LANCL1: variants seen among roughly 807,000 people sequenced by gnomAD.
LANCL1 encodes glutathione S-transferase LANCL1.
LANCL1 carries 50 observed loss-of-function variants against 50.6 expected under a neutral mutation model. The ratio of observed to expected loss-of-function variants is 0.99; its 90% CI spans 0.79 to 1.25. The LOEUF (loss-of-function observed/expected upper bound fraction) is 1.25, where lower values mean the gene tolerates loss of function less well. Ranked by LOEUF, LANCL1 falls within the 50% of genes most tolerant of loss-of-function variation. The pLI is 0.00. For synonymous variants in LANCL1, 188 were observed against 178.6 expected (o/e 1.05, Z -0.42); for missense variants, 532 against 480.7 (o/e 1.11, Z -1.00).
chr2:210,458,019 G>A (rs943012257), intron 3 of LANCL1, among the ~76,000 whole-genome samples: 1 of 152,170 alleles, frequency 6.6e-6, no homozygotes, highest in Non-Finnish European at 1.5e-5. Context: ...TGTTCTTGAA[G>A]GGAAGGCACT....
chr2:210,445,433 G>C (rs948506652), intron 4 of LANCL1, among the ~76,000 whole-genome samples: 1 of 152,254 alleles, frequency 6.6e-6, no homozygotes, highest in Admixed American at 6.5e-5. Flanking sequence ...GTATTGCTCA[G>C]AGCATCTTAT....
At chr2:210,447,502 C>T (rs919471861) in intron 4 of LANCL1, among the ~76,000 whole-genome samples, 1 of 152,120 alleles carries the variant, frequency 6.6e-6, no homozygotes, top group African/African-American at 2.4e-5. Flanking sequence ...TCACACATAA[C>T]AATATTAACC....
intron 4 of LANCL1, among the ~76,000 whole-genome samples, chr2:210,446,506 T>G (rs911288617): frequency 6.6e-6 from 1 of 151,996 alleles, no homozygotes; most frequent in Non-Finnish European, 1.5e-5. Context: ...GAGAATGAAT[T>G]TGACAAATTG....
intron 3 of LANCL1, among the ~76,000 whole-genome samples, chr2:210,457,433 CACCTTTGAATCAAT>C (rs1434474691): frequency 6.6e-6 from 1 of 152,092 alleles, no homozygotes; most frequent in Non-Finnish European, 1.5e-5. Context: ...CATACACCAC[CACCTTTGAATCAAT>C]ACCAAAGACT....
At position 210,440,704 on chromosome 2, in the gene LANCL1, C is replaced by G; in HGVS notation, c.584G>C (p.Arg195Thr). Residue 195 changes from arginine to threonine, a missense_variant, in exon 6 of 10, where the codon AGG (arginine) becomes ACG (threonine). Arg to Thr is a moderately conservative substitution (Grantham distance 71). Coordinates refer to ENST00000450366, the MANE Select transcript of LANCL1 (RefSeq NM_006055.3). ...TILTSGENLA[R>T]KRNFTAKSPL... ...AGACTTTGCCGTGAAGTTTCTCTTCCTAGCTAGGTTTTCTCCAGAGGTTAA... is the reference window on the plus strand; with the variant it reads ...AGACTTTGCCGTGAAGTTTCTCTTCGTAGCTAGGTTTTCTCCAGAGGTTAA... The G allele has an allele frequency of 1.9e-6, 3 of 1,613,974 alleles. No homozygotes were observed. The highest frequency in any genetic ancestry group is 2.5e-6 in the Non-Finnish European group (3 of 1,179,928).
chr2:210,447,483 G>A (rs961016820), intron 4 of LANCL1, among the ~76,000 whole-genome samples: 3 of 152,118 alleles, frequency 2.0e-5, no homozygotes, highest in Admixed American at 1.3e-4. Flanking sequence ...CATAATGACA[G>A]GATCAAATTC....
Position 210,436,362 on chromosome 2 carries a change from C to G in LANCL1, c.904G>C (p.Ala302Pro). 6.2e-7 allele frequency: 1 copy of G among 1,613,990 alleles called. No homozygotes were observed. Among genetic ancestry groups the G allele is most frequent in the Non-Finnish European group, 8.5e-7 (1 of 1,179,924 alleles). ...VFREEKYLCDAYQCADVIWQY... is the reference protein window; with the variant it reads ...VFREEKYLCDPYQCADVIWQY... ...CAGATCACATCAGCACACTGATAGG[C>G]ATCACAGAGATACTTTTCCTCTCTG... Residue 302 changes from alanine to proline, a missense_variant, in exon 8 of 10, where the codon GCC (alanine) becomes CCC (proline). Transcript: ENST00000450366.
chr2:210,471,042 A>AT (rs35572251), intron 3 of LANCL1, among the ~76,000 whole-genome samples: 2,969 of 96,138 alleles, frequency 0.031, 95 homozygotes, highest in Non-Finnish European at 0.042. Flanking sequence ...TTCTTCTTTG[A>AT]TTTTTTTTTT....
Position 210,437,839 on chromosome 2 carries a change from T to C in LANCL1, c.724A>G (p.Ser242Gly). The change falls in exon 7 of 10, where the codon AGT becomes GGT. Residue 242 changes from serine (S) to glycine (G), a missense_variant. By Grantham distance (56) the Ser-to-Gly change is moderately conservative. Coordinates refer to ENST00000450366, the MANE Select transcript of LANCL1 (RefSeq NM_006055.3). The stretch of plus-strand genomic sequence containing the variant: ...TAGTCTACACTGGGCTTGACCAAAC[T>C]ATGTAACTTCCCTTGGCTCACTTGA... ...SLQVSQGKLH[S>G]LVKPSVDYVC... The C allele has an allele frequency of 6.2e-7, 1 of 1,605,524 alleles. No individual in the cohort carries two copies. The highest frequency in any genetic ancestry group is 2.2e-5 in the East Asian group (1 of 44,572).
At position 210,453,232 on chromosome 2, in the gene LANCL1, C is replaced by G. The variant is rs574158918; in HGVS notation, c.407+1875G>C. On this transcript the variant is annotated intron_variant, in intron 4 of 9. Transcript: ENST00000450366. ...TAAATGACAACAACACCCTTAGTAC[C>G]AATATACCAAAAACAACAAAAATCT... Among the ~76,000 whole-genome samples the G allele has an allele frequency of 1.1e-3, 163 of 152,210 alleles. 2 individuals carry two copies. Among genetic ancestry groups the G allele is most frequent in the Middle Eastern group, 3.4e-3 (1 of 292 alleles).
At chr2:210,453,728 T>TA (rs566368987) in intron 4 of LANCL1, among the ~76,000 whole-genome samples, 30 of 152,020 alleles carry the variant, frequency 2.0e-4, no homozygotes, top group Non-Finnish European at 3.5e-4. Flanking sequence ...ATCAGCTATG[T>TA]AAAAAAAATT....
intron 3 of LANCL1, among the ~76,000 whole-genome samples, chr2:210,466,502 G>A (rs1357386375): frequency 2.0e-5 from 3 of 152,132 alleles, no homozygotes; most frequent in Non-Finnish European, 2.9e-5. Flanking sequence ...CAAATTATAG[G>A]CTGTGATACA....
At chr2:210,470,578 A>G (rs1220041354) in intron 3 of LANCL1, among the ~76,000 whole-genome samples, 1 of 152,212 alleles carries the variant, frequency 6.6e-6, no homozygotes, top group Non-Finnish European at 1.5e-5. Context: ...TAAATGCTCG[A>G]TGAACATTCC....
chr2:210,475,129 C>T (rs1694320590), intron 2 of LANCL1, among the ~76,000 whole-genome samples: 1 of 152,038 alleles, frequency 6.6e-6, no homozygotes, highest in Non-Finnish European at 1.5e-5. Flanking sequence ...CATTACTGAC[C>T]CAAGTTAATC....
chr2:210,457,021 T>C (rs1281134034), intron 3 of LANCL1, among the ~76,000 whole-genome samples: 2 of 152,216 alleles, frequency 1.3e-5, no homozygotes, highest in Non-Finnish European at 2.9e-5. Flanking sequence ...AGGCAGAGAA[T>C]TATCTTTCTA....
rs919805708 is a variant in LANCL1, at chr2:210,433,707, G to T, written c.*780C>A. On this transcript the variant is annotated 3_prime_UTR_variant, in exon 10 of 10. Transcript: ENST00000450366. ...TGAAAAACACACATATTTAAATAAA[G>T]AGTTCCAAAAAACTCAGATTATTTT... 1 of 152,138 alleles carries T rather than the reference G, an allele frequency of 6.6e-6. No homozygotes were observed. Among genetic ancestry groups the T allele is most frequent in the African/African-American group, 2.4e-5 (1 of 41,434 alleles). The allele number at this position is 152,138 out of a possible 1,614,324, so 9.4% of individuals were successfully genotyped here.
intron 4 of LANCL1, among the ~76,000 whole-genome samples, chr2:210,446,024 T>C (rs1363332871): frequency 1.3e-5 from 2 of 152,200 alleles, no homozygotes; most frequent in East Asian, 1.9e-4. Context: ...GGGGTGGCTG[T>C]GGGCACAACT....
intron 7 of LANCL1, 50 bp downstream of exon 7, chr2:210,437,640 A>G (rs371377423): frequency 8.6e-7 from 1 of 1,160,778 alleles, no homozygotes; most frequent in African/African-American, 1.6e-5. Flanking sequence ...ATTTTAAATT[A>G]TAAATTTTTG....
Position 210,455,246 on chromosome 2 carries a change from C to T in LANCL1, c.268G>A (p.Gly90Ser), listed in dbSNP as rs1559715133. 6.2e-7 allele frequency: 1 copy of T among 1,610,848 alleles called. No homozygotes were observed. Among genetic ancestry groups the T allele is most frequent in the East Asian group, 2.2e-5 (1 of 44,762 alleles). ...CAGTTCAGACTTTGCTTTACATAGC[C>T]ATGTGCTAACTGTAGGTAGGCAGGG... The part of the protein sequence containing the change: ...GDPAYLQLAH[G>S]YVKQSLNCLT... Residue 90 changes from glycine (G) to serine (S), a missense_variant, in exon 4 of 10, where the codon GGC becomes AGC. Physicochemically the swap from Gly to Ser is moderately conservative, Grantham distance 56. Transcript: ENST00000450366.
Sources: gnomAD v4.1 joint callset for allele counts (sites outside exome capture counted in the v4.1 genomes callset) on GRCh38, gnomAD v4.1.1 for gene constraint, MANE v1.5 for transcripts, NCBI Gene and HGNC (gene_info 2026-07-23, HGNC 2026-07-21) for gene names.